The following ENPEP variants were observed in gnomAD, a reference collection of about 807,000 sequenced individuals.
ENPEP encodes the protein glutamyl aminopeptidase.
In ENPEP, 103 loss-of-function variants were observed where a neutral mutation model predicts 114.5. That is an observed-to-expected ratio of 0.90 (90% confidence interval 0.77 to 1.06). The LOEUF (loss-of-function observed/expected upper bound fraction) is 1.06. Ranked by LOEUF, ENPEP falls within the 50% of genes least tolerant of loss-of-function variation. ENPEP has a pLI of 0.00. For synonymous variants in ENPEP, 420 were observed against 422.0 expected, an observed-to-expected ratio of 1.00 and a Z score of 0.06; for missense variants, 1,196 against 1,161.3, an observed-to-expected ratio of 1.03 and a Z score of -0.43.
intron 3 of ENPEP, among the ~76,000 whole-genome samples, chr4:110,505,116 G>A (rs1452714674): frequency 2.0e-5 from 3 of 152,176 alleles, no homozygotes; most frequent in African/African-American, 2.4e-5. Context: ...AATCCTGTAC[G>A]AACGTGATGA....
intron 11 of ENPEP, among the ~76,000 whole-genome samples, chr4:110,540,189 A>G (rs560922545): frequency 6.6e-6 from 1 of 152,250 alleles, no homozygotes; most frequent in African/African-American, 2.4e-5. Flanking sequence ...ATGAAATTGC[A>G]AGGTGTTTAA....
intron 2 of ENPEP, 149 bp downstream of exon 2, chr4:110,488,831 A>C (rs1333223933): frequency 8.7e-7 from 1 of 1,155,694 alleles, no homozygotes; most frequent in East Asian, 2.6e-5. Flanking sequence ...ACATTTTGGC[A>C]ATCTTTTTCT....
chr4:110,478,984 TTA>T (rs1346421729), intron 1 of ENPEP, among the ~76,000 whole-genome samples: 1 of 152,216 alleles, frequency 6.6e-6, no homozygotes, highest in Non-Finnish European at 1.5e-5. Context: ...ATTGTAATAG[TTA>T]CTTTGTTTAT....
At chr4:110,535,879 A>G (rs1038243235) in intron 11 of ENPEP, among the ~76,000 whole-genome samples, 2 of 152,210 alleles carry the variant, frequency 1.3e-5, no homozygotes, top group South Asian at 2.1e-4. Context: ...AAGACCCTCT[A>G]TCAGTAAAAA....
chr4:110,498,224 G>GTT (rs1725016753), intron 3 of ENPEP, among the ~76,000 whole-genome samples: 1 of 152,178 alleles, frequency 6.6e-6, no homozygotes. Flanking sequence ...ACCCAAGTGT[G>GTT]TTTTCAGGTC....
At chr4:110,544,408 A>G (rs1726972108) in intron 13 of ENPEP, among the ~76,000 whole-genome samples, 1 of 152,042 alleles carries the variant, frequency 6.6e-6, no homozygotes, top group African/African-American at 2.4e-5. Flanking sequence ...TGTAATCTAC[A>G]CTCGTTTTGT....
At chr4:110,559,434 C>T (rs987812316) in intron 18 of ENPEP, among the ~76,000 whole-genome samples, 1 of 151,088 alleles carries the variant, frequency 6.6e-6, no homozygotes, top group Non-Finnish European at 1.5e-5. Context: ...CTCAGAGGGT[C>T]GTGTCAATTT....
intron 10 of ENPEP, among the ~76,000 whole-genome samples, chr4:110,525,804 A>G (rs186051502): frequency 1.3e-5 from 2 of 152,302 alleles, no homozygotes; most frequent in Non-Finnish European, 2.9e-5. Flanking sequence ...GGAAAGTTTC[A>G]CAGTAATTAT....
At chr4:110,543,475 T>C (rs551937514) in intron 13 of ENPEP, among the ~76,000 whole-genome samples, 1 of 152,222 alleles carries the variant, frequency 6.6e-6, no homozygotes, top group African/African-American at 2.4e-5. Flanking sequence ...GCTAGAATTG[T>C]CAAATCTTGT....
intron 10 of ENPEP, among the ~76,000 whole-genome samples, chr4:110,528,358 A>T (rs2110371276): frequency 6.6e-6 from 1 of 152,328 alleles, no homozygotes; most frequent in East Asian, 1.9e-4. Context: ...TTAAAAGAAG[A>T]ATTTGATCAT....
At chr4:110,495,038 G>A (rs1724873882) in intron 3 of ENPEP, among the ~76,000 whole-genome samples, 1 of 152,026 alleles carries the variant, frequency 6.6e-6, no homozygotes. Context: ...ACAAACTGTT[G>A]AGTTATTGTT....
intron 3 of ENPEP, among the ~76,000 whole-genome samples, chr4:110,504,262 G>A (rs868609909): frequency 1.3e-5 from 2 of 152,324 alleles, no homozygotes; most frequent in Middle Eastern, 3.4e-3. Context: ...GCCTGGTGAT[G>A]AGCAGGGGTA....
Position 110,511,397 on chromosome 4 carries a change from C to A in ENPEP, c.1308+1039C>A, listed in dbSNP as rs553227658. On this transcript the variant is annotated intron_variant, in intron 6 of 19. Transcript: ENST00000265162. ...TAACTAAATGCCAGTAACCTGCCAG[C>A]CCCTGTTGTGACAACTAAAAATGTC... Among the ~76,000 whole-genome samples, 14 of 152,112 alleles carry A rather than the reference C, an allele frequency of 9.2e-5. No individual in the cohort carries two copies. In the East Asian group the frequency reaches 2.5e-3, roughly 27 times the overall value.
At chr4:110,508,318 G>A (rs1257151440) in intron 4 of ENPEP, among the ~76,000 whole-genome samples, 1 of 149,832 alleles carries the variant, frequency 6.7e-6, no homozygotes, top group Non-Finnish European at 1.5e-5. Flanking sequence ...TTTTGTTCAA[G>A]GATTAAGTGC....
rs1026363225 is a variant in ENPEP at position 110,484,769 on chromosome 4, A to ATT, written c.645-3771_645-3770dup. Among the ~76,000 whole-genome samples the ATT allele has an allele frequency of 4.1e-3, 400 of 97,566 alleles. 2 individuals are homozygous for ATT. The highest frequency in any genetic ancestry group is 0.017 in the African/African-American group (364 of 21,974). 64.0% of individuals were successfully genotyped at this position (97,566 alleles called of 152,430 possible). On this transcript the variant is annotated intron_variant, in intron 1 of 19. Transcript: ENST00000265162. ...ATATTATATTTTATATATATATTATATTATATATATATATATTCATATTCT... is the reference window on the plus strand; with the variant it reads ...ATATTATATTTTATATATATATTATATTTTATATATATATATATTCATATTCT...
chr4:110,561,192 C>G lies in ENPEP; in HGVS notation c.2722-214C>G, dbSNP rs376876511. Reference sequence around the variant, plus strand: ...TCCAAAATGTCAGAGCCTATTTTGGCTTGACATGCTGTGGGGATCCAAAAG... The same window carrying G: ...TCCAAAATGTCAGAGCCTATTTTGGGTTGACATGCTGTGGGGATCCAAAAG... On this transcript the variant is annotated intron_variant, in intron 19 of 19. Coordinates refer to ENST00000265162, the MANE Select transcript of ENPEP (RefSeq NM_001977.4). Among the ~76,000 whole-genome samples the G allele has an allele frequency of 3.3e-4, 50 of 152,264 alleles. 1 individual carries two copies. The South Asian group carries it at 0.01, about 31-fold the overall frequency.
intron 3 of ENPEP, among the ~76,000 whole-genome samples, chr4:110,495,976 A>G (rs1322418913): frequency 1.3e-5 from 2 of 152,198 alleles, no homozygotes; most frequent in African/African-American, 4.8e-5. Flanking sequence ...GGTGGAAGAT[A>G]TTATCCATTT....
intron 3 of ENPEP, among the ~76,000 whole-genome samples, chr4:110,502,061 T>C (rs1725183223): frequency 6.6e-6 from 1 of 152,210 alleles, no homozygotes; most frequent in African/African-American, 2.4e-5. Context: ...TTTCATATGC[T>C]TGTGGGCCAT....
intron 17 of ENPEP, among the ~76,000 whole-genome samples, chr4:110,551,420 A>G (rs1302634783): frequency 6.6e-6 from 1 of 152,178 alleles, no homozygotes; most frequent in African/African-American, 2.4e-5. Context: ...GAAGCAACAT[A>G]TCTCACATTT....
Sources: gnomAD v4.1 joint callset for allele counts (sites outside exome capture counted in the v4.1 genomes callset) on GRCh38, gnomAD v4.1.1 for gene constraint, MANE v1.5 for transcripts, NCBI Gene and HGNC (gene_info 2026-07-23, HGNC 2026-07-21) for gene names.